The following NELL1 variants were observed in gnomAD, a reference collection of about 807,000 sequenced individuals.
NELL1 encodes neural EGFL like 1.
A neutral mutation model predicts 107.4 loss-of-function variants in NELL1; 76 were observed. The observed-to-expected ratio is 0.71, with a 90% CI of 0.59 to 0.86. The LOEUF (loss-of-function observed/expected upper bound fraction) is 0.86, where lower values mean the gene tolerates loss of function less well. Ranked by LOEUF, NELL1 falls within the 40% of genes least tolerant of loss-of-function variation. The pLI is 0.00. For synonymous variants in NELL1, 353 were observed against 341.2 expected, an observed-to-expected ratio of 1.03 and a Z score of -0.38; for missense variants, 1,024 against 1,005.5, an observed-to-expected ratio of 1.02 and a Z score of -0.25.
intron 12 of NELL1, among the ~76,000 whole-genome samples, chr11:21,109,555 T>A (rs559732551): frequency 6.6e-6 from 1 of 152,268 alleles, no homozygotes; most frequent in East Asian, 1.9e-4. Flanking sequence ...TGTCACCACC[T>A]GGGCAAAGGT....
At chr11:21,512,549 G>T (rs11026121) in intron 15 of NELL1, among the ~76,000 whole-genome samples, 73,210 of 151,882 alleles carry the variant, frequency 0.48, 17,937 homozygotes, top group East Asian at 0.62. Context: ...GTACTACTGA[G>T]AGCCAGGAGA....
intron 2 of NELL1, among the ~76,000 whole-genome samples, chr11:20,767,654 C>G (rs892100114): frequency 1.3e-5 from 2 of 152,228 alleles, no homozygotes; most frequent in Non-Finnish European, 2.9e-5. Flanking sequence ...AAGAGTATGA[C>G]AGACACCCTG....
chr11:21,303,063 T>G (rs1849529065), intron 14 of NELL1, among the ~76,000 whole-genome samples: 1 of 146,070 alleles, frequency 6.8e-6, no homozygotes, highest in African/African-American at 2.5e-5. Context: ...CCCATATCTC[T>G]CTTTTGCTCT....
chr11:21,472,563 T>C (rs1854210059), intron 15 of NELL1, among the ~76,000 whole-genome samples: 1 of 152,036 alleles, frequency 6.6e-6, no homozygotes, highest in South Asian at 2.1e-4. Context: ...CGTGTCTTGT[T>C]ATCTCATTAT....
At chr11:20,930,470 C>G (rs1313347696) in intron 9 of NELL1, among the ~76,000 whole-genome samples, 3 of 152,034 alleles carry the variant, frequency 2.0e-5, no homozygotes, top group East Asian at 1.9e-4. Flanking sequence ...TTTTTTTTAA[C>G]CAGTCCCAAG....
intron 2 of NELL1, among the ~76,000 whole-genome samples, chr11:20,746,115 T>C (rs932862123): frequency 3.3e-5 from 5 of 152,158 alleles, no homozygotes; most frequent in African/African-American, 4.8e-5. Context: ...CTAGAATCCA[T>C]GTCTTTTGGG....
At chr11:20,675,197 A>G (rs997207255) in intron 1 of NELL1, among the ~76,000 whole-genome samples, 6 of 152,306 alleles carry the variant, frequency 3.9e-5, no homozygotes, top group East Asian at 3.9e-4. Flanking sequence ...TAACATCCCA[A>G]TGGCCAAAAC....
intron 2 of NELL1, among the ~76,000 whole-genome samples, chr11:20,712,071 C>T (rs1015554960): frequency 6.6e-6 from 1 of 152,098 alleles, no homozygotes; most frequent in African/African-American, 2.4e-5. Context: ...TTTTCTTTCT[C>T]CTCAGGAGCA....
chr11:21,296,624 A>C (rs1849381949), intron 14 of NELL1, among the ~76,000 whole-genome samples: 1 of 151,938 alleles, frequency 6.6e-6, no homozygotes, highest in African/African-American at 2.4e-5. Context: ...ATGGGGAAGG[A>C]AGAAGCGCTG....
chr11:21,439,701 C>A (rs1032786713), intron 15 of NELL1, among the ~76,000 whole-genome samples: 1 of 152,072 alleles, frequency 6.6e-6, no homozygotes, highest in Non-Finnish European at 1.5e-5. Flanking sequence ...CAGCTTCACG[C>A]CATGTTTCAA....
In NELL1 at chr11:21,143,810, G is replaced by A. The variant is rs114160910; in HGVS notation, c.1426+30096G>A. Among the ~76,000 whole-genome samples, 1,159 of 152,174 alleles carry A rather than the reference G, an allele frequency of 7.6e-3. 14 individuals carry two copies. The highest frequency in any genetic ancestry group is 0.026 in the African/African-American group (1,090 of 41,514). On this transcript the variant is annotated intron_variant, in intron 13 of 19. Transcript: ENST00000357134. The stretch of plus-strand genomic sequence containing the variant: ...ACAGATTCTCCATTATAAAGTCCCG[G>A]CAAGATGAATACCCATCAATGTTTC...
chr11:20,814,894 C>T (rs564445547), intron 3 of NELL1, among the ~76,000 whole-genome samples: 1 of 152,314 alleles, frequency 6.6e-6, no homozygotes, highest in Non-Finnish European at 1.5e-5. Context: ...TACACAGTGA[C>T]TGAACTGATT....
chr11:21,514,235 T>C, intron 15 of NELL1, among the ~76,000 whole-genome samples: 1 of 152,368 alleles, frequency 6.6e-6, no homozygotes, highest in Non-Finnish European at 1.5e-5. Flanking sequence ...CAATTTAACA[T>C]TGTCAATTTA....
At chr11:21,462,458 A>G (rs529362030) in intron 15 of NELL1, among the ~76,000 whole-genome samples, 1 of 151,958 alleles carries the variant, frequency 6.6e-6, no homozygotes, top group Non-Finnish European at 1.5e-5. Flanking sequence ...CCCCCTCTAC[A>G]ATGTGGCATT....
At chr11:20,812,149 A>C (rs1481071188) in intron 3 of NELL1, among the ~76,000 whole-genome samples, 3 of 152,198 alleles carry the variant, frequency 2.0e-5, no homozygotes, top group African/African-American at 7.2e-5. Context: ...AACATAAAGG[A>C]GTGTTAAATG....
At chr11:21,267,106 G>A (rs1228313685) in intron 14 of NELL1, among the ~76,000 whole-genome samples, 1 of 151,716 alleles carries the variant, frequency 6.6e-6, no homozygotes, top group Non-Finnish European at 1.5e-5. Context: ...TTTATCCATG[G>A]GCACATTTTT....
intron 13 of NELL1, among the ~76,000 whole-genome samples, chr11:21,214,685 G>A (rs966419582): frequency 2.0e-5 from 3 of 150,402 alleles, no homozygotes; most frequent in Non-Finnish European, 2.9e-5. Flanking sequence ...TCACACTTTC[G>A]GATATTTATC....
chr11:20,931,475 A>G (rs983859937), intron 9 of NELL1, among the ~76,000 whole-genome samples: 3 of 152,196 alleles, frequency 2.0e-5, no homozygotes, highest in Non-Finnish European at 4.4e-5. Context: ...GAGGTAATGC[A>G]TATGTTAGTT....
chr11:21,400,280 TTG>T (rs1852069830), intron 15 of NELL1, among the ~76,000 whole-genome samples: 1 of 151,786 alleles, frequency 6.6e-6, no homozygotes, highest in Non-Finnish European at 1.5e-5. Flanking sequence ...TTGTTGTTGT[TTG>T]CATTCTATGA....
Sources: allele counts gnomAD v4.1 joint callset (sites outside exome capture counted in the v4.1 genomes callset), GRCh38; gene constraint gnomAD v4.1.1; transcripts MANE v1.5; gene names NCBI Gene and HGNC (gene_info 2026-07-23, HGNC 2026-07-21).